MRTFB: variants seen among roughly 807,000 people sequenced by gnomAD.
The protein encoded by MRTFB is myocardin related transcription factor B.
In MRTFB, 29 loss-of-function variants were observed where a neutral mutation model predicts 104.2. That is an observed-to-expected ratio of 0.28 (90% CI 0.21 to 0.38). MRTFB has a LOEUF of 0.38. Among genes scored for constraint, MRTFB ranks in the 10% least tolerant of loss-of-function variants. The pLI is 1.00. For missense variants in MRTFB, 1,270 were observed against 1,341.6 expected, an observed-to-expected ratio of 0.95 and a Z score of 0.83; for synonymous variants, 535 against 519.5, an observed-to-expected ratio of 1.03 and a Z score of -0.41.
chr16:14,252,055 G>C, intron 14 of MRTFB, 32 bp downstream of exon 14: 2 of 1,606,606 alleles, frequency 1.2e-6, no homozygotes, highest in East Asian at 2.2e-5. Flanking sequence ...GTCAGTGACA[G>C]TGCCGCAGGG....
At chr16:14,082,617 G>A (rs2034475624) in intron 2 of MRTFB, among the ~76,000 whole-genome samples, 1 of 151,926 alleles carries the variant, frequency 6.6e-6, no homozygotes. Flanking sequence ...CCCTGTTTCT[G>A]CAAAAAATAA....
intron 2 of MRTFB, among the ~76,000 whole-genome samples, chr16:14,123,169 TC>T (rs754733238): frequency 2.6e-5 from 4 of 152,250 alleles, no homozygotes; most frequent in Non-Finnish European, 4.4e-5. Flanking sequence ...TTGTTTAAGT[TC>T]TTTGTAGATT....
intron 8 of MRTFB, among the ~76,000 whole-genome samples, chr16:14,221,214 T>A (rs1352183050): frequency 2.6e-5 from 4 of 152,342 alleles, no homozygotes; most frequent in East Asian, 1.9e-4. Context: ...TGATAAGTTT[T>A]GTTTTGGCAA....
the MRTFB span, among the ~76,000 whole-genome samples, chr16:14,011,459 G>A: frequency 6.6e-6 from 1 of 152,190 alleles, no homozygotes; most frequent in African/African-American, 2.4e-5. Context: ...CAGCTCAAGT[G>A]GGAAAGTTAG....
At chr16:14,127,929 A>ATATATAT (rs1393344981) in intron 2 of MRTFB, among the ~76,000 whole-genome samples, 43 of 44,624 alleles carry the variant, frequency 9.6e-4, no homozygotes, top group Admixed American at 1.6e-3. Context: ...ATATATATAT[A>ATATATAT]TTTTTTTTTT....
chr16:14,169,467 CTT>C (rs1223315876), intron 3 of MRTFB, among the ~76,000 whole-genome samples: 1 of 151,988 alleles, frequency 6.6e-6, no homozygotes, highest in Non-Finnish European at 1.5e-5. Flanking sequence ...TCGTTTTTGT[CTT>C]TTAATTATGA....
At chr16:14,020,777 C>A in the MRTFB span, among the ~76,000 whole-genome samples, 37 of 152,312 alleles carry the variant, frequency 2.4e-4, no homozygotes, top group Non-Finnish European at 1.2e-4. Context: ...CAAGGCCTTG[C>A]CTCTTCTGTC....
At chr16:14,107,483 C>G (rs2036043002) in intron 2 of MRTFB, among the ~76,000 whole-genome samples, 1 of 152,102 alleles carries the variant, frequency 6.6e-6, no homozygotes, top group Non-Finnish European at 1.5e-5. Context: ...TATTTCCAGA[C>G]AATAGTTTTG....
intron 2 of MRTFB, among the ~76,000 whole-genome samples, chr16:14,095,565 C>T (rs1365792492): frequency 6.6e-6 from 1 of 152,220 alleles, no homozygotes; most frequent in East Asian, 1.9e-4. Flanking sequence ...GTGCAGGTGT[C>T]ATGAGAACCA....
At chr16:14,001,222 C>A in the MRTFB span, among the ~76,000 whole-genome samples, 3 of 152,216 alleles carry the variant, frequency 2.0e-5, no homozygotes, top group Non-Finnish European at 4.4e-5. Context: ...AATTTATTGG[C>A]TTGGTGGGTA....
At chr16:14,031,416 CA>C in the MRTFB span, among the ~76,000 whole-genome samples, 6 of 150,858 alleles carry the variant, frequency 4.0e-5, no homozygotes, top group South Asian at 2.1e-4. Context: ...AAGAATAGGT[CA>C]AAGTTTCACA....
At chr16:14,103,651 C>T (rs2035818085) in intron 2 of MRTFB, among the ~76,000 whole-genome samples, 1 of 152,140 alleles carries the variant, frequency 6.6e-6, no homozygotes, top group South Asian at 2.1e-4. Context: ...CAGTTTGCTA[C>T]AAATATAGTC....
chr16:14,055,014 T>G, the MRTFB span, among the ~76,000 whole-genome samples: 2 of 152,212 alleles, frequency 1.3e-5, no homozygotes, highest in Admixed American at 1.3e-4. Flanking sequence ...TCTCCTAATA[T>G]TAGCATGTTT....
intron 2 of MRTFB, among the ~76,000 whole-genome samples, chr16:14,127,916 TA>T (rs2037212548): frequency 2.4e-5 from 1 of 41,716 alleles, no homozygotes; most frequent in Non-Finnish European, 4.1e-5. Context: ...TATATATATA[TA>T]TATATATATA....
At chr16:14,247,982 G>A (rs543222373) in intron 12 of MRTFB, 1 of 156,460 alleles carries the variant, frequency 6.4e-6, no homozygotes, top group South Asian at 2.0e-4. Context: ...TTAAACCCAG[G>A]TGTTCTGCCC....
At chr16:14,137,224 A>G (rs927153379) in intron 2 of MRTFB, among the ~76,000 whole-genome samples, 8 of 152,282 alleles carry the variant, frequency 5.3e-5, no homozygotes, top group Admixed American at 3.3e-4. Flanking sequence ...AGATTAGTCT[A>G]TACCCTCTCA....
At chr16:14,130,571 A>T (rs774845332) in intron 2 of MRTFB, among the ~76,000 whole-genome samples, 2 of 152,210 alleles carry the variant, frequency 1.3e-5, no homozygotes, top group Non-Finnish European at 2.9e-5. Context: ...GTATGTTATT[A>T]AACTGCCAGA....
intron 13 of MRTFB, among the ~76,000 whole-genome samples, chr16:14,250,119 A>G (rs949002352): frequency 1.3e-5 from 2 of 152,250 alleles, no homozygotes; most frequent in African/African-American, 4.8e-5. Flanking sequence ...TTTTTCACTA[A>G]GTCTGTAAAC....
intron 3 of MRTFB, among the ~76,000 whole-genome samples, chr16:14,206,185 C>T (rs1597246525): frequency 6.6e-6 from 1 of 152,176 alleles, no homozygotes; most frequent in South Asian, 2.1e-4. Flanking sequence ...ATCCCACAAC[C>T]GTGAATGCCT....
Sources: gnomAD v4.1 joint callset for allele counts (sites outside exome capture counted in the v4.1 genomes callset) on GRCh38, gnomAD v4.1.1 for gene constraint, MANE v1.5 for transcripts, NCBI Gene and HGNC (gene_info 2026-07-23, HGNC 2026-07-21) for gene names.